Variants in MDGA2 observed in about 807,000 individuals in gnomAD.
MDGA2 encodes MAM domain-containing glycosylphosphatidylinositol anchor protein 2.
Under a neutral mutation model 117.8 loss-of-function variants are expected in MDGA2, and 40 were observed. The observed-to-expected ratio is 0.34, with a 90% confidence interval of 0.26 to 0.44. The LOEUF (loss-of-function observed/expected upper bound fraction) is 0.44, where lower values mean the gene tolerates loss of function less well. Ranked by LOEUF, MDGA2 falls within the 20% of genes least tolerant of loss-of-function variation. MDGA2 has a pLI of 1.00. For missense variants in MDGA2, 1,123 were observed against 1,250.6 expected (o/e 0.90, Z 1.54); for synonymous variants, 452 against 439.0 (o/e 1.03, Z -0.37).
intron 8 of MDGA2, 63 bp downstream of exon 8, chr14:47,034,948 G>A: frequency 7.0e-7 from 1 of 1,437,364 alleles, no homozygotes; most frequent in South Asian, 1.3e-5. Context: ...ATTAATAGTA[G>A]AATAATGGTA....
intron 12 of MDGA2, among the ~76,000 whole-genome samples, chr14:46,874,928 G>C (rs936816697): frequency 6.7e-6 from 1 of 150,160 alleles, no homozygotes; most frequent in African/African-American, 2.4e-5. Flanking sequence ...AATGTTTCTA[G>C]GTATCAAAGG....
At chr14:47,456,242 T>C (rs1046530407) in intron 1 of MDGA2, among the ~76,000 whole-genome samples, 4 of 151,758 alleles carry the variant, frequency 2.6e-5, no homozygotes, top group African/African-American at 9.7e-5. Flanking sequence ...AGAATTATAA[T>C]GCTTATCCTA....
At chr14:47,348,328 C>T (rs1036848701) in intron 1 of MDGA2, among the ~76,000 whole-genome samples, 3 of 151,836 alleles carry the variant, frequency 2.0e-5, no homozygotes, top group Admixed American at 2.0e-4. Flanking sequence ...TCTCATGCCT[C>T]AGGCTCCAGA....
chr14:47,442,341 T>C (rs1284780236), intron 1 of MDGA2, among the ~76,000 whole-genome samples: 7 of 152,130 alleles, frequency 4.6e-5, no homozygotes, highest in Non-Finnish European at 1.0e-4. Context: ...AAGAGAGACC[T>C]ACATGAGAGA....
At chr14:47,072,217 T>C (rs956789489) in intron 6 of MDGA2, among the ~76,000 whole-genome samples, 7 of 150,228 alleles carry the variant, frequency 4.7e-5, no homozygotes, top group Non-Finnish European at 1.0e-4. Flanking sequence ...AAAGCCAAAC[T>C]AGGACCTAGA....
At chr14:47,106,544 G>A (rs1880693144) in intron 5 of MDGA2, among the ~76,000 whole-genome samples, 1 of 151,862 alleles carries the variant, frequency 6.6e-6, no homozygotes, top group East Asian at 2.0e-4. Context: ...GGACCCCACT[G>A]AAAATCGGAC....
intron 3 of MDGA2, among the ~76,000 whole-genome samples, chr14:47,204,898 G>T (rs1885627338): frequency 6.6e-6 from 1 of 151,602 alleles, no homozygotes; most frequent in South Asian, 2.1e-4. Context: ...TCCTATTTTT[G>T]CCAACAACAT....
At chr14:47,198,200 C>A (rs1322118418) in intron 3 of MDGA2, among the ~76,000 whole-genome samples, 1 of 152,158 alleles carries the variant, frequency 6.6e-6, no homozygotes, top group Non-Finnish European at 1.5e-5. Context: ...GTCAAAACAG[C>A]AATTTGTTTA....
At chr14:46,980,243 G>C (rs1276710925) in intron 8 of MDGA2, among the ~76,000 whole-genome samples, 2 of 152,194 alleles carry the variant, frequency 1.3e-5, no homozygotes, top group Non-Finnish European at 2.9e-5. Context: ...ACTTAGAGAG[G>C]ATCAAGACTT....
intron 8 of MDGA2, among the ~76,000 whole-genome samples, chr14:46,961,580 C>A (rs1321518557): frequency 6.6e-6 from 1 of 151,856 alleles, no homozygotes; most frequent in African/African-American, 2.4e-5. Context: ...TTTCCACTAC[C>A]TGAAAAAGTA....
At chr14:47,300,722 C>T (rs1045871906) in intron 2 of MDGA2, among the ~76,000 whole-genome samples, 2 of 151,346 alleles carry the variant, frequency 1.3e-5, no homozygotes, top group East Asian at 1.9e-4. Context: ...TGGTCGCCAA[C>T]TTCTGGCCTC....
chr14:47,378,358 G>A (rs1300166646), intron 1 of MDGA2, among the ~76,000 whole-genome samples: 1 of 152,198 alleles, frequency 6.6e-6, no homozygotes. Flanking sequence ...GCTGGACAGA[G>A]AATGAATTTG....
At chr14:47,644,194 T>C (rs1334158828) in intron 1 of MDGA2, among the ~76,000 whole-genome samples, 2 of 152,204 alleles carry the variant, frequency 1.3e-5, no homozygotes, top group African/African-American at 4.8e-5. Flanking sequence ...GTGAATATGT[T>C]GCTTTATATG....
At chr14:47,190,108 A>G (rs1426086806) in intron 3 of MDGA2, among the ~76,000 whole-genome samples, 1 of 152,174 alleles carries the variant, frequency 6.6e-6, no homozygotes, top group Admixed American at 6.5e-5. Context: ...ATCTGTCACT[A>G]CACCCAAAAT....
At chr14:47,458,709 G>A (rs1893415938) in intron 1 of MDGA2, among the ~76,000 whole-genome samples, 1 of 152,082 alleles carries the variant, frequency 6.6e-6, no homozygotes, top group Non-Finnish European at 1.5e-5. Flanking sequence ...CTGTTAATCA[G>A]CTAGGTTGTG....
At chr14:47,648,694 A>G (rs535019488) in intron 1 of MDGA2, among the ~76,000 whole-genome samples, 23 of 148,634 alleles carry the variant, frequency 1.5e-4, no homozygotes, top group Non-Finnish European at 1.6e-4. Context: ...CATAGGTAGC[A>G]TAAGACTGGA....
chr14:46,995,208 A>G (rs1056011210), intron 8 of MDGA2, among the ~76,000 whole-genome samples: 2 of 152,194 alleles, frequency 1.3e-5, no homozygotes, highest in African/African-American at 2.4e-5. Context: ...TTGTTATACT[A>G]AATTACTATT....
intron 3 of MDGA2, among the ~76,000 whole-genome samples, chr14:47,166,079 A>G (rs1463848759): frequency 7.3e-6 from 1 of 137,040 alleles, no homozygotes; most frequent in East Asian, 2.1e-4. Context: ...TCTGTTGCCC[A>G]GGCTGGACTG....
chr14:47,292,250 G>A (rs987387424), intron 2 of MDGA2, among the ~76,000 whole-genome samples: 4 of 152,158 alleles, frequency 2.6e-5, no homozygotes, highest in African/African-American at 9.7e-5. Flanking sequence ...GAGAAGCAGT[G>A]TTACTGATGA....
Sources: gnomAD v4.1 joint callset for allele counts (sites outside exome capture counted in the v4.1 genomes callset) on GRCh38, gnomAD v4.1.1 for gene constraint, MANE v1.5 for transcripts, NCBI Gene and HGNC (gene_info 2026-07-23, HGNC 2026-07-21) for gene names.